The following PAQR7 variants were observed in gnomAD, a reference collection of about 807,000 sequenced individuals.
PAQR7 encodes membrane progestin receptor alpha.
PAQR7 carries 14 observed loss-of-function variants against 24.6 expected under a neutral mutation model. The observed-to-expected ratio is 0.57, with a 90% CI of 0.38 to 0.89. PAQR7 has a LOEUF of 0.89. Among genes scored for constraint, PAQR7 ranks in the 40% least tolerant of loss-of-function variants. PAQR7 has a pLI of 0.00. For synonymous variants in PAQR7, 189 were observed against 198.8 expected, an observed-to-expected ratio of 0.95 and a Z score of 0.42; for missense variants, 351 against 444.0, an observed-to-expected ratio of 0.79 and a Z score of 1.88.
In PAQR7 at chr1:25,863,797, G is replaced by A. The variant is rs745699775; in HGVS notation, c.43C>T (p.Arg15Trp). The A allele has an allele frequency of 1.1e-5, 17 of 1,613,266 alleles. No individual in the cohort carries two copies. Among genetic ancestry groups the A allele is most frequent in the Middle Eastern group, 3.3e-4 (2 of 6,084 alleles). The change falls in exon 3 of 3, where the codon CGG becomes TGG. Residue 15 changes from arginine (R) to tryptophan (W), a missense_variant. Physicochemically the swap from Arg to Trp is moderately radical, Grantham distance 101. Transcript: ENST00000675840. This position sits in a 1 kb window ranked among gnomAD's most constrained non-coding sequence, Gnocchi z 6.1. Reference sequence around the variant, plus strand: ...AGCTGAGGCTCCTGGATGACCTGCCGCAGACTCGGCAGGAGGTGGCTGAGT... The same window carrying A: ...AGCTGAGGCTCCTGGATGACCTGCCACAGACTCGGCAGGAGGTGGCTGAGT... ...QKLSHLLPSL[R>W]QVIQEPQLSL...
intron 1 of PAQR7, among the ~76,000 whole-genome samples, chr1:25,874,652 C>G (rs1043380660): frequency 1.1e-4 from 17 of 152,196 alleles, no homozygotes; most frequent in African/African-American, 4.1e-4. Context: ...CACCCAGGAG[C>G]AGCCAGACTC....
At position 25,875,637 on chromosome 1, in the gene PAQR7, G is replaced by A. The variant is rs2048646588; in HGVS notation, c.-258C>T. The stretch of plus-strand genomic sequence containing the variant: ...TACAGCCGCCTCCGCGGGCCCAGGC[G>A]ACGCCGAGCGCCCCGCACCCCGCCC... On this transcript the variant is annotated 5_prime_UTR_variant, in exon 1 of 3. Coordinates refer to ENST00000675840, the MANE Select transcript of PAQR7 (RefSeq NM_178422.6). This position sits in a 1 kb window ranked among gnomAD's most constrained non-coding sequence, Gnocchi z 5.4. 6.6e-6 allele frequency among the ~76,000 whole-genome samples: 1 copy of A among 151,206 alleles called. No individual in the cohort carries two copies. Among genetic ancestry groups the A allele is most frequent in the Non-Finnish European group, 1.5e-5 (1 of 67,714 alleles).
At position 25,863,755 on chromosome 1, in the gene PAQR7, G is replaced by C. The variant is rs1000759207; in HGVS notation, c.85C>G (p.Pro29Ala). 1.9e-6 allele frequency: 3 copies of C among 1,613,702 alleles called. No homozygotes were observed. The highest frequency in any genetic ancestry group is 2.5e-6 in the Non-Finnish European group (3 of 1,180,004). ...QEPQLSLQPE[P>A]VFTVDRAEVP... ...TCAGCTCGATCCACCGTGAAGACAG[G>C]CTCTGGCTGCAGAGATAGCTGAGGC... Residue 29 changes from proline to alanine, a missense_variant, in exon 3 of 3, where the codon CCT (proline) becomes GCT (alanine). By Grantham distance (27) the Pro-to-Ala change is conservative (BLOSUM62 -1). Transcript: ENST00000675840. The surrounding 1 kb of genome is among the most constrained non-coding windows in gnomAD (Gnocchi z 6.1).
intron 2 of PAQR7, among the ~76,000 whole-genome samples, chr1:25,866,120 A>G (rs1414146960): frequency 1.0e-4 from 15 of 150,026 alleles, no homozygotes; most frequent in African/African-American, 3.4e-4. Context: ...CCACACCCCC[A>G]CTCTCAAAAT....
At chr1:25,867,146 C>T (rs1456013151) in intron 2 of PAQR7, among the ~76,000 whole-genome samples, 3 of 152,284 alleles carry the variant, frequency 2.0e-5, no homozygotes, top group Admixed American at 2.0e-4. Flanking sequence ...CTATCAGCCT[C>T]CCAAGTGGCT....
chr1:25,865,300 A>C (rs2048547959), intron 2 of PAQR7, among the ~76,000 whole-genome samples: 1 of 152,234 alleles, frequency 6.6e-6, no homozygotes, highest in African/African-American at 2.4e-5. Flanking sequence ...ATGTGAGCTC[A>C]TCAAGGGGAG....
chr1:25,872,480 G>A (rs1438032782), intron 1 of PAQR7, among the ~76,000 whole-genome samples: 1 of 151,614 alleles, frequency 6.6e-6, no homozygotes, highest in African/African-American at 2.4e-5. Context: ...AACAGCCCAG[G>A]GAATTCATAC....
Position 25,863,273 on chromosome 1 carries a change from G to GGAGCCAATGCAGGA in PAQR7, c.553_566dup (p.Cys190ProfsTer149), listed in dbSNP as rs2124525669. The GGAGCCAATGCAGGA allele has an allele frequency of 6.2e-7, 1 of 1,614,256 alleles. No individual in the cohort carries two copies. The highest frequency in any genetic ancestry group is 2.2e-5 in the East Asian group (1 of 44,884). On this transcript the variant is annotated frameshift_variant, in exon 3 of 3. Coordinates refer to ENST00000675840, the MANE Select transcript of PAQR7 (RefSeq NM_178422.6). LOFTEE classifies it high-confidence loss of function. The surrounding 1 kb of genome is among the most constrained non-coding windows in gnomAD (Gnocchi z 6.1). ...GTTTCTGGATGTACTTGTTATAGCA[G>GGAGCCAATGCAGGA]GAGCCAATGCAGGAAAGCCAGGCGA...
At position 25,862,003 on chromosome 1, in the gene PAQR7, G is replaced by A. The variant is rs952568834; in HGVS notation, c.*796C>T. 1.2e-4 allele frequency: 10 copies of A among 83,264 alleles called. No individual in the cohort carries two copies. The highest frequency in any genetic ancestry group is 1.5e-4 in the African/African-American group (3 of 20,548). The allele number at this position is 83,264 out of a possible 1,614,324, so 5.2% of individuals were successfully genotyped here. A position where few individuals can be genotyped will look rare whatever the true frequency, so the allele number is the denominator to read the frequency against. ...TTACTCCAGCCTAGCCAACAAGAGC[G>A]AAACTCCTCAAAAAAAAAAAAAAAA... On this transcript the variant is annotated 3_prime_UTR_variant, in exon 3 of 3. Transcript: ENST00000675840.
chr1:25,864,448 C>T (rs2048540285), intron 2 of PAQR7, among the ~76,000 whole-genome samples: 1 of 152,186 alleles, frequency 6.6e-6, no homozygotes. Flanking sequence ...CAGACACAGC[C>T]CCACCAACCC....
At chr1:25,865,637 A>G (rs953259785) in intron 2 of PAQR7, among the ~76,000 whole-genome samples, 1 of 152,072 alleles carries the variant, frequency 6.6e-6, no homozygotes, top group Non-Finnish European at 1.5e-5. Flanking sequence ...GTGAAACCTC[A>G]TCTCTACTAA....
intron 1 of PAQR7, among the ~76,000 whole-genome samples, chr1:25,872,050 G>T (rs1194507722): frequency 2.0e-5 from 3 of 152,224 alleles, no homozygotes; most frequent in Non-Finnish European, 2.9e-5. Context: ...ATTTTTATGT[G>T]AGGATGAAAT....
chr1:25,869,893 G>A (rs1238337730), intron 2 of PAQR7, among the ~76,000 whole-genome samples: 6 of 152,120 alleles, frequency 3.9e-5, no homozygotes, highest in South Asian at 2.1e-4. Flanking sequence ...GACAGCGCTC[G>A]CTTATACCTC....
chr1:25,866,604 T>C (rs543662924), intron 2 of PAQR7, among the ~76,000 whole-genome samples: 1 of 152,182 alleles, frequency 6.6e-6, no homozygotes, highest in South Asian at 2.1e-4. Context: ...GCAGACACTA[T>C]CATTATTCCC....
Position 25,863,261 on chromosome 1 carries a change from C to T in PAQR7, c.579G>A (p.Lys193=). The change falls in exon 3 of 3, where the codon AAG becomes AAA. Residue 193 remains lysine, a synonymous_variant. Coordinates refer to ENST00000675840, the MANE Select transcript of PAQR7 (RefSeq NM_178422.6). This position sits in a 1 kb window ranked among gnomAD's most constrained non-coding sequence, Gnocchi z 6.1. The stretch of plus-strand genomic sequence containing the variant: ...CCAGCAGGCCTGGTTTCTGGATGTA[C>T]TTGTTATAGCAGGAGCCAATGCAGG... ...WLSCIGSCYN[K]YIQKPGLLGR... 3 of 1,614,240 alleles carry T rather than the reference C, an allele frequency of 1.9e-6. No homozygotes were observed. The highest frequency in any genetic ancestry group is 2.2e-5 in the South Asian group (2 of 91,090).
chr1:25,862,958 T>C lies in PAQR7; in HGVS notation c.882A>G (p.Ala294=). The C allele has an allele frequency of 6.2e-7, 1 of 1,614,026 alleles. No individual in the cohort carries two copies. Among genetic ancestry groups the C allele is most frequent in the Non-Finnish European group, 8.5e-7 (1 of 1,180,042 alleles). ...LCTLAQLEAV[A]LDYEARRPIY... Reference sequence around the variant, plus strand: ...TGGGCCGTCGGGCCTCATAGTCCAGTGCCACAGCCTCCAGCTGAGCCAGCG... The same window carrying C: ...TGGGCCGTCGGGCCTCATAGTCCAGCGCCACAGCCTCCAGCTGAGCCAGCG... Residue 294 remains alanine (A), a synonymous_variant, in exon 3 of 3, where the codon GCA becomes GCG. Coordinates refer to ENST00000675840, the MANE Select transcript of PAQR7 (RefSeq NM_178422.6).
chr1:25,871,588 A>C (rs2048606085), intron 1 of PAQR7, among the ~76,000 whole-genome samples: 1 of 151,608 alleles, frequency 6.6e-6, no homozygotes. Flanking sequence ...CCTCAACTCA[A>C]GGTCAGCCCT....
intron 1 of PAQR7, among the ~76,000 whole-genome samples, chr1:25,872,462 G>A (rs999673346): frequency 4.0e-5 from 6 of 151,298 alleles, no homozygotes; most frequent in Non-Finnish European, 5.9e-5. Context: ...CACTGCCCTC[G>A]CAGAACTAAC....
chr1:25,872,819 A>G (rs2048616280), intron 1 of PAQR7, among the ~76,000 whole-genome samples: 1 of 152,116 alleles, frequency 6.6e-6, no homozygotes, highest in African/African-American at 2.4e-5. Flanking sequence ...CCAACACCTC[A>G]ATATATTAAT....
Sources: gnomAD v4.1 joint callset for allele counts (sites outside exome capture counted in the v4.1 genomes callset) on GRCh38, gnomAD v4.1.1 for gene constraint, Gnocchi (gnomAD v3.1) non-coding constraint, MANE v1.5 for transcripts, NCBI Gene and HGNC (gene_info 2026-07-23, HGNC 2026-07-21) for gene names.